CDH13: variants seen among roughly 807,000 people sequenced by gnomAD.
The protein encoded by CDH13 is cadherin-13.
A neutral mutation model predicts 63.8 loss-of-function variants in CDH13; 24 were observed. That is an observed-to-expected ratio of 0.38 (90% CI 0.27 to 0.53). The LOEUF (loss-of-function observed/expected upper bound fraction) is 0.53, where lower values mean the gene tolerates loss of function less well. CDH13 is among the 20% of genes least tolerant of loss of function. CDH13 has a pLI of 0.85. For missense variants in CDH13, 1,049 were observed against 903.1 expected (o/e 1.16, Z -2.07); for synonymous variants, 503 against 355.3 (o/e 1.42, Z -4.67).
At chr16:83,648,462 G>A (rs1399041304) in intron 8 of CDH13, among the ~76,000 whole-genome samples, 2 of 152,106 alleles carry the variant, frequency 1.3e-5, no homozygotes, top group African/African-American at 2.4e-5. Flanking sequence ...TTCCTGGGTG[G>A]TGTCCATGGT....
At chr16:83,769,308 C>G (rs570076966) in intron 11 of CDH13, among the ~76,000 whole-genome samples, 2 of 152,114 alleles carry the variant, frequency 1.3e-5, no homozygotes, top group African/African-American at 4.8e-5. Flanking sequence ...GTCTTCTGGC[C>G]TTAATGTCAG....
At chr16:83,510,280 G>T (rs942493068) in intron 7 of CDH13, among the ~76,000 whole-genome samples, 1 of 152,144 alleles carries the variant, frequency 6.6e-6, no homozygotes, top group Non-Finnish European at 1.5e-5. Flanking sequence ...GAGATGGAGA[G>T]AGAACACAGC....
intron 4 of CDH13, among the ~76,000 whole-genome samples, chr16:83,185,634 G>C (rs2038494487): frequency 6.6e-6 from 1 of 152,204 alleles, no homozygotes; most frequent in Non-Finnish European, 1.5e-5. Flanking sequence ...CCATGCCTCT[G>C]AAAACGTCTA....
intron 2 of CDH13, among the ~76,000 whole-genome samples, chr16:82,935,198 C>A (rs928127149): frequency 1.3e-5 from 2 of 152,172 alleles, no homozygotes; most frequent in Non-Finnish European, 2.9e-5. Flanking sequence ...TTCATCTTCA[C>A]ATGGCAGCAA....
chr16:83,199,741 A>G (rs571133477), intron 4 of CDH13, among the ~76,000 whole-genome samples: 1 of 152,246 alleles, frequency 6.6e-6, no homozygotes, highest in South Asian at 2.1e-4. Context: ...CCACGGTACA[A>G]TGTGCTTTAG....
chr16:82,670,005 G>T (rs1480700138), intron 1 of CDH13, among the ~76,000 whole-genome samples: 1 of 152,132 alleles, frequency 6.6e-6, no homozygotes, highest in South Asian at 2.1e-4. Context: ...TTTTATTCCT[G>T]ACCTGCCTCA....
intron 7 of CDH13, among the ~76,000 whole-genome samples, chr16:83,536,712 A>G (rs2075198436): frequency 6.6e-6 from 1 of 152,214 alleles, no homozygotes; most frequent in Non-Finnish European, 1.5e-5. Context: ...AGGAGATAAG[A>G]GAAATGTCCA....
chr16:83,419,101 G>T (rs2071637837), intron 6 of CDH13, among the ~76,000 whole-genome samples: 1 of 152,250 alleles, frequency 6.6e-6, no homozygotes, highest in African/African-American at 2.4e-5. Flanking sequence ...GCAGCGTGAA[G>T]ACCTAACTGT....
At chr16:83,069,657 C>T (rs1031485886) in intron 3 of CDH13, among the ~76,000 whole-genome samples, 2 of 152,284 alleles carry the variant, frequency 1.3e-5, no homozygotes, top group East Asian at 3.9e-4. Context: ...TCACTGCTTC[C>T]TCCAGCCTCA....
chr16:83,078,591 G>T (rs190757646), intron 3 of CDH13, among the ~76,000 whole-genome samples: 1 of 152,318 alleles, frequency 6.6e-6, no homozygotes, highest in East Asian at 1.9e-4. Flanking sequence ...ACAGGCCACA[G>T]ACCAGTACCG....
chr16:83,075,259 A>T (rs2032748757), intron 3 of CDH13, among the ~76,000 whole-genome samples: 1 of 152,094 alleles, frequency 6.6e-6, no homozygotes, highest in African/African-American at 2.4e-5. Context: ...TCCCAAATAA[A>T]AGAGTTTCAC....
intron 6 of CDH13, among the ~76,000 whole-genome samples, chr16:83,362,585 G>C (rs887065571): frequency 6.6e-6 from 1 of 152,116 alleles, no homozygotes; most frequent in Non-Finnish European, 1.5e-5. Flanking sequence ...GGGTATTACT[G>C]TCTCCATGTT....
At chr16:83,371,425 C>T (rs536567900) in intron 6 of CDH13, among the ~76,000 whole-genome samples, 2 of 152,214 alleles carry the variant, frequency 1.3e-5, no homozygotes, top group Admixed American at 6.5e-5. Context: ...CATTATAAGC[C>T]CTTTTCCTCT....
At chr16:83,313,269 A>G (rs942113436) in intron 5 of CDH13, among the ~76,000 whole-genome samples, 14 of 152,166 alleles carry the variant, frequency 9.2e-5, no homozygotes, top group African/African-American at 2.9e-4. Context: ...GATATTTTGA[A>G]AGGTGCATTG....
At chr16:83,785,384 C>A (rs1047049385) in intron 13 of CDH13, among the ~76,000 whole-genome samples, 5 of 152,190 alleles carry the variant, frequency 3.3e-5, no homozygotes, top group South Asian at 2.1e-4. Context: ...CTCATCCCAT[C>A]CCATCCATGA....
At chr16:83,633,395 A>G (rs1910956058) in intron 8 of CDH13, among the ~76,000 whole-genome samples, 2 of 152,198 alleles carry the variant, frequency 1.3e-5, no homozygotes, top group Admixed American at 6.5e-5. Context: ...CTCACCGTAG[A>G]AGAGCACATC....
chr16:83,527,095 C>A (rs1038517687), intron 7 of CDH13, among the ~76,000 whole-genome samples: 1 of 151,736 alleles, frequency 6.6e-6, no homozygotes, highest in African/African-American at 2.4e-5. Context: ...TATGCCACTG[C>A]CCTGCAGCCT....
At chr16:83,100,105 T>A (rs1030807432) in intron 3 of CDH13, among the ~76,000 whole-genome samples, 1 of 152,188 alleles carries the variant, frequency 6.6e-6, no homozygotes, top group African/African-American at 2.4e-5. Flanking sequence ...TCATCACTCA[T>A]TCAATTCGTG....
intron 10 of CDH13, among the ~76,000 whole-genome samples, chr16:83,692,189 G>A (rs541797738): frequency 1.3e-5 from 2 of 152,280 alleles, no homozygotes; most frequent in East Asian, 3.9e-4. Flanking sequence ...GAATAAAATT[G>A]TTTGTTCCAT....
Sources: gnomAD v4.1 joint callset for allele counts (sites outside exome capture counted in the v4.1 genomes callset) on GRCh38, gnomAD v4.1.1 for gene constraint, MANE v1.5 for transcripts, NCBI Gene and HGNC (gene_info 2026-07-23, HGNC 2026-07-21) for gene names.